POFUT3: variants seen among roughly 807,000 people sequenced by gnomAD.
The protein encoded by POFUT3 is protein O-fucosyltransferase 3.
chr8:33,402,878 G>A, the POFUT3 span, among the ~76,000 whole-genome samples: 27 of 151,964 alleles, frequency 1.8e-4, no homozygotes, highest in African/African-American at 6.3e-4. Context: ...GGGCAACATA[G>A]GGAGACCTGT....
the POFUT3 span, chr8:33,377,574 C>T: frequency 5.9e-5 from 9 of 152,138 alleles, no homozygotes; most frequent in Non-Finnish European, 1.3e-4. Context: ...GGATAAAGTT[C>T]CAACTCAAGG....
At chr8:33,415,271 A>C in the POFUT3 span, among the ~76,000 whole-genome samples, 2 of 152,154 alleles carry the variant, frequency 1.3e-5, no homozygotes, top group African/African-American at 4.8e-5. Flanking sequence ...CAAAAAAATA[A>C]ATAAATAAAT....
At chr8:33,389,308 G>A in the POFUT3 span, 3 of 1,614,046 alleles carry the variant, frequency 1.9e-6, no homozygotes, top group East Asian at 2.2e-5. Flanking sequence ...ACTTCTCAGT[G>A]ATGTAGTCAT....
the POFUT3 span, among the ~76,000 whole-genome samples, chr8:33,433,171 T>C: frequency 6.6e-6 from 1 of 151,500 alleles, no homozygotes; most frequent in African/African-American, 2.4e-5. Flanking sequence ...GAGGCAGAGA[T>C]TGCAGTGAGC....
At chr8:33,335,126 C>A in the POFUT3 span, among the ~76,000 whole-genome samples, 1 of 149,290 alleles carries the variant, frequency 6.7e-6, no homozygotes, top group African/African-American at 2.5e-5. Context: ...TGTTTAGCAA[C>A]CAGCTGTCCA....
the POFUT3 span, chr8:33,372,954 T>C: frequency 1.4e-6 from 1 of 728,286 alleles, no homozygotes. Flanking sequence ...ACTTAATTCT[T>C]ATGGTAAGCA....
chr8:33,464,386 T>C, the POFUT3 span, among the ~76,000 whole-genome samples: 1 of 152,082 alleles, frequency 6.6e-6, no homozygotes, highest in African/African-American at 2.4e-5. Flanking sequence ...TCCCAACAAC[T>C]CCACTCTCAT....
At chr8:33,405,242 G>A in the POFUT3 span, among the ~76,000 whole-genome samples, 10 of 151,966 alleles carry the variant, frequency 6.6e-5, no homozygotes, top group South Asian at 2.1e-4. Context: ...GCAGTGAGCC[G>A]AGATTGTGCC....
the POFUT3 span, among the ~76,000 whole-genome samples, chr8:33,355,101 G>C: frequency 6.6e-6 from 1 of 152,158 alleles, no homozygotes; most frequent in South Asian, 2.1e-4. Context: ...AAACAAATCA[G>C]GTGAGAGACC....
At chr8:33,397,653 T>C in the POFUT3 span, among the ~76,000 whole-genome samples, 21 of 152,326 alleles carry the variant, frequency 1.4e-4, no homozygotes, top group South Asian at 4.3e-3. Context: ...TGAGGCTATA[T>C]AACTCTGTAG....
At chr8:33,420,310 T>C in the POFUT3 span, among the ~76,000 whole-genome samples, 1 of 152,170 alleles carries the variant, frequency 6.6e-6, no homozygotes, top group African/African-American at 2.4e-5. Flanking sequence ...ATGTAATTGC[T>C]GGTTCTATGT....
the POFUT3 span, among the ~76,000 whole-genome samples, chr8:33,327,101 C>T: frequency 6.6e-6 from 1 of 152,154 alleles, no homozygotes; most frequent in South Asian, 2.1e-4. Flanking sequence ...TGGTCCCCTT[C>T]TCCTAAAAGG....
chr8:33,322,383 A>G, the POFUT3 span, among the ~76,000 whole-genome samples: 5 of 152,014 alleles, frequency 3.3e-5, no homozygotes, highest in African/African-American at 9.7e-5. Context: ...ATGATCTTCA[A>G]TTTGCTGAGT....
the POFUT3 span, among the ~76,000 whole-genome samples, chr8:33,382,386 C>A: frequency 5.6e-5 from 2 of 36,004 alleles, no homozygotes; most frequent in Non-Finnish European, 9.0e-5. Context: ...AAAATGACAG[C>A]AAGGTGGTTT....
At chr8:33,405,355 C>A in the POFUT3 span, among the ~76,000 whole-genome samples, 2 of 152,062 alleles carry the variant, frequency 1.3e-5, no homozygotes, top group Admixed American at 6.6e-5. Flanking sequence ...GTCTTAAGAA[C>A]TTTCTCCTGC....
the POFUT3 span, among the ~76,000 whole-genome samples, chr8:33,410,240 T>G: frequency 1.3e-5 from 2 of 152,168 alleles, no homozygotes; most frequent in African/African-American, 4.8e-5. Flanking sequence ...CAAAGAGATG[T>G]CCTTTGATGC....
the POFUT3 span, among the ~76,000 whole-genome samples, chr8:33,385,283 G>A: frequency 2.0e-5 from 3 of 152,180 alleles, no homozygotes; most frequent in African/African-American, 7.2e-5. Flanking sequence ...GGCACAGGAA[G>A]GTTCCCACTG....
chr8:33,472,742 G>T, the POFUT3 span, among the ~76,000 whole-genome samples: 2 of 152,202 alleles, frequency 1.3e-5, no homozygotes, highest in Non-Finnish European at 2.9e-5. Flanking sequence ...GGGACCCCGC[G>T]CTCCTTCTCC....
At chr8:33,427,519 C>T in the POFUT3 span, among the ~76,000 whole-genome samples, 12 of 151,808 alleles carry the variant, frequency 7.9e-5, no homozygotes, top group Non-Finnish European at 1.6e-4. Flanking sequence ...GCAGAGGTTG[C>T]GGTGAGCCAA....
Sources: allele counts gnomAD v4.1 joint callset (sites outside exome capture counted in the v4.1 genomes callset), GRCh38; gene constraint gnomAD v4.1.1; transcripts MANE v1.5; gene names NCBI Gene and HGNC (gene_info 2026-07-23, HGNC 2026-07-21).